SPECC1L: variants seen among roughly 807,000 people sequenced by gnomAD.
The protein encoded by SPECC1L is cytospin-A.
Under a neutral mutation model 116.8 loss-of-function variants are expected in SPECC1L, and 40 were observed. That is an observed-to-expected ratio of 0.34 (90% CI 0.27 to 0.45). SPECC1L has a LOEUF of 0.45. Among genes scored for constraint, SPECC1L ranks in the 20% least tolerant of loss-of-function variants. The pLI, the probability that SPECC1L is intolerant of heterozygous loss-of-function variation, is 1.00. For missense variants in SPECC1L, 1,110 were observed against 1,373.6 expected (o/e 0.81, Z 3.03); for synonymous variants, 504 against 500.6 (o/e 1.01, Z -0.09).
intron 8 of SPECC1L, among the ~76,000 whole-genome samples, chr22:24,332,948 G>T (rs1404993251): frequency 6.6e-6 from 1 of 152,160 alleles, no homozygotes; most frequent in African/African-American, 2.4e-5. Flanking sequence ...GTTCTAATCA[G>T]CCGGGCGCAG....
chr22:24,355,368 C>G (rs1395208712), intron 11 of SPECC1L, among the ~76,000 whole-genome samples: 2 of 151,584 alleles, frequency 1.3e-5, no homozygotes, highest in African/African-American at 4.8e-5. Flanking sequence ...TTTAGTCCCT[C>G]TCTGGATAGA....
At chr22:24,291,917 TAATTA>T (rs2049163815) in intron 2 of SPECC1L, among the ~76,000 whole-genome samples, 1 of 152,226 alleles carries the variant, frequency 6.6e-6, no homozygotes, top group East Asian at 1.9e-4. Context: ...AGAGAATTAT[TAATTA>T]AATAGGAAAT....
At chr22:24,363,413 C>T (rs2041684338) in intron 12 of SPECC1L, 69 bp downstream of exon 12, 1 of 1,347,132 alleles carries the variant, frequency 7.4e-7, no homozygotes, top group Non-Finnish European at 1.1e-6. Flanking sequence ...CTATGTTGCC[C>T]AGGCTGATCT....
chr22:24,334,629 A>T (rs1426263991), intron 9 of SPECC1L, 56 bp downstream of exon 9: 7 of 1,578,128 alleles, frequency 4.4e-6, no homozygotes, highest in Non-Finnish European at 6.1e-6. Context: ...CACTTACCTT[A>T]TATTCTCTGG....
chr22:24,394,701 G>C (rs2042334732), intron 14 of SPECC1L, among the ~76,000 whole-genome samples: 2 of 152,190 alleles, frequency 1.3e-5, no homozygotes, highest in African/African-American at 4.8e-5. Context: ...AAGACCATGT[G>C]GTCAGCCTCT....
intron 2 of SPECC1L, 126 bp from the exon 3 acceptor site, chr22:24,302,069 C>T: frequency 1.3e-5 from 10 of 752,154 alleles, no homozygotes; most frequent in Non-Finnish European, 1.5e-5. Context: ...AATTTTTTTT[C>T]AACTTTTCTG....
At chr22:24,325,537 G>GGATTGATT (rs1337624595) in intron 6 of SPECC1L, among the ~76,000 whole-genome samples, 1 of 134,804 alleles carries the variant, frequency 7.4e-6, no homozygotes, top group African/African-American at 2.8e-5. Context: ...TTACTTAAAT[G>GGATTGATT]GATTTATTTA....
intron 4 of SPECC1L, 101 bp downstream of exon 4, chr22:24,313,567 G>C (rs1601536998): frequency 1.4e-6 from 2 of 1,391,224 alleles, no homozygotes; most frequent in East Asian, 4.7e-5. Context: ...GGAAATTTTA[G>C]ACATACAAAA....
intron 3 of SPECC1L, among the ~76,000 whole-genome samples, chr22:24,313,062 T>C (rs6004129): frequency 1.2e-3 from 188 of 152,334 alleles, no homozygotes; most frequent in African/African-American, 4.1e-3. Flanking sequence ...TGTGGACACA[T>C]AGCAGGCTTC....
chr22:24,321,549 C>T lies in SPECC1L; in HGVS notation c.569C>T (p.Thr190Met), dbSNP rs142144652. The change falls in exon 5 of 17, where the codon ACG (threonine) becomes ATG (methionine). Residue 190 changes from threonine (T) to methionine (M), a missense_variant. Thr to Met is a moderately conservative substitution (Grantham distance 81, BLOSUM62 -1). This residue lies in a region of SPECC1L where 437 missense variants were observed against 482.6 expected (regional missense o/e 0.91). Transcript: ENST00000314328. ...ALEAKVKDLL[T>M]LAKTKDVEIL... ...GAGGCCAAAGTGAAGGATCTTCTCACGCTGGCAAAAACCAAAGACGTAGAA... is the reference window on the plus strand; with the variant it reads ...GAGGCCAAAGTGAAGGATCTTCTCATGCTGGCAAAAACCAAAGACGTAGAA... 879 of 1,614,166 alleles carry T rather than the reference C, an allele frequency of 5.4e-4. 2 individuals are homozygous for T. Among genetic ancestry groups the T allele is most frequent in the East Asian group, 7.1e-4 (32 of 44,884 alleles).
At chr22:24,346,060 G>T (rs2041287299) in intron 10 of SPECC1L, among the ~76,000 whole-genome samples, 1 of 151,060 alleles carries the variant, frequency 6.6e-6, no homozygotes, top group East Asian at 1.9e-4. Context: ...GGGCTGGAGT[G>T]CAGTGGCGCG....
At chr22:24,342,701 A>T (rs1211812867) in intron 10 of SPECC1L, among the ~76,000 whole-genome samples, 1 of 151,496 alleles carries the variant, frequency 6.6e-6, no homozygotes, top group African/African-American at 2.4e-5. Context: ...GAAATAGAGG[A>T]AAAGATCAGT....
intron 3 of SPECC1L, among the ~76,000 whole-genome samples, chr22:24,312,170 C>A (rs1264905222): frequency 6.6e-6 from 1 of 152,096 alleles, no homozygotes; most frequent in Non-Finnish European, 1.5e-5. Context: ...ACGGAATCTC[C>A]CTATGTTGCC....
intron 9 of SPECC1L, 129 bp downstream of exon 9, chr22:24,334,702 C>A: frequency 2.0e-6 from 2 of 994,176 alleles, no homozygotes; most frequent in Non-Finnish European, 3.2e-6. Flanking sequence ...AGTATTAATG[C>A]ACTAGACTTA....
At chr22:24,361,582 G>T (rs543136718) in intron 11 of SPECC1L, among the ~76,000 whole-genome samples, 1 of 152,146 alleles carries the variant, frequency 6.6e-6, no homozygotes, top group East Asian at 1.9e-4. Flanking sequence ...AACCCAGGAG[G>T]CTCAAGAGTT....
chr22:24,328,955 A>G, intron 7 of SPECC1L, 36 bp downstream of exon 7: 1 of 1,536,534 alleles, frequency 6.5e-7, no homozygotes, highest in Non-Finnish European at 9.0e-7. Flanking sequence ...TTGTTAGAAA[A>G]CGGTTTTCTG....
chr22:24,296,814 T>C (rs1374873165), intron 2 of SPECC1L, among the ~76,000 whole-genome samples: 3 of 152,224 alleles, frequency 2.0e-5, no homozygotes, highest in East Asian at 3.8e-4. Flanking sequence ...TGGAAGCATT[T>C]GTGATTGTCT....
intron 11 of SPECC1L, among the ~76,000 whole-genome samples, chr22:24,362,924 T>C (rs1017109715): frequency 6.6e-6 from 1 of 152,220 alleles, no homozygotes; most frequent in African/African-American, 2.4e-5. Context: ...AAAGCTTTCA[T>C]TTAGTTTGTA....
intron 14 of SPECC1L, among the ~76,000 whole-genome samples, chr22:24,383,213 A>C (rs532588727): frequency 6.6e-6 from 1 of 152,336 alleles, no homozygotes; most frequent in East Asian, 1.9e-4. Context: ...ATCAGCCCTT[A>C]TTCTAGTTAC....
Sources: allele counts gnomAD v4.1 joint callset (sites outside exome capture counted in the v4.1 genomes callset), GRCh38; gene constraint gnomAD v4.1.1; regional missense constraint gnomAD v4.1.1; transcripts MANE v1.5; gene names NCBI Gene and HGNC (gene_info 2026-07-23, HGNC 2026-07-21).